Variants in IGF1 observed in about 807,000 individuals in gnomAD.
IGF1 encodes the protein insulin-like growth factor 1.
In IGF1, 4 loss-of-function variants were observed where a neutral mutation model predicts 13.8. That is an observed-to-expected ratio of 0.29 (90% CI 0.14 to 0.66). IGF1 has a LOEUF of 0.66. IGF1 is among the 30% of genes least tolerant of loss of function. The pLI, the probability that IGF1 is intolerant of heterozygous loss-of-function variation, is 0.78. For synonymous variants in IGF1, 76 were observed against 72.6 expected, an observed-to-expected ratio of 1.05 and a Z score of -0.23; for missense variants, 124 against 188.5, an observed-to-expected ratio of 0.66 and a Z score of 2.00.
At chr12:102,472,833 G>A (rs1272547402) in intron 2 of IGF1, among the ~76,000 whole-genome samples, 1 of 152,066 alleles carries the variant, frequency 6.6e-6, no homozygotes, top group Non-Finnish European at 1.5e-5. Context: ...GCCTGGGGAT[G>A]ACCAAAATGC....
At chr12:102,453,225 G>C (rs576663571) in intron 2 of IGF1, among the ~76,000 whole-genome samples, 2 of 152,300 alleles carry the variant, frequency 1.3e-5, no homozygotes, top group East Asian at 3.9e-4. Flanking sequence ...TGGCCTAGGA[G>C]GGTCTACATT....
intron 3 of IGF1, chr12:102,417,974 CG>C (rs770719221): frequency 6.2e-7 from 1 of 1,612,982 alleles, no homozygotes; most frequent in Admixed American, 1.7e-5. Context: ...TCTGAGACTT[CG>C]TGTTCTTGTT....
At chr12:102,440,272 G>A (rs2080703485) in intron 2 of IGF1, among the ~76,000 whole-genome samples, 1 of 152,214 alleles carries the variant, frequency 6.6e-6, no homozygotes, top group Admixed American at 6.5e-5. Flanking sequence ...AGCCCCCACA[G>A]AGAGAGGACA....
intron 2 of IGF1, among the ~76,000 whole-genome samples, chr12:102,441,700 G>T (rs1157912092): frequency 6.6e-6 from 1 of 152,164 alleles, no homozygotes; most frequent in Non-Finnish European, 1.5e-5. Context: ...TGGAAAACCT[G>T]AGTGCATCTG....
At chr12:102,453,633 T>C (rs1486238020) in intron 2 of IGF1, among the ~76,000 whole-genome samples, 1 of 152,154 alleles carries the variant, frequency 6.6e-6, no homozygotes, top group East Asian at 1.9e-4. Context: ...TATGATGAAG[T>C]TGGAAGAGGC....
intron 3 of IGF1, among the ~76,000 whole-genome samples, chr12:102,407,458 T>G (rs1000950934): frequency 6.6e-6 from 1 of 152,228 alleles, no homozygotes; most frequent in African/African-American, 2.4e-5. Flanking sequence ...CAGGGATAAG[T>G]ACTACTGTCT....
At chr12:102,448,809 A>T (rs1468315153) in intron 2 of IGF1, among the ~76,000 whole-genome samples, 4 of 152,060 alleles carry the variant, frequency 2.6e-5, no homozygotes, top group African/African-American at 9.7e-5. Flanking sequence ...GCTCATCATC[A>T]CTGGTCATTA....
intron 2 of IGF1, among the ~76,000 whole-genome samples, chr12:102,450,937 T>A (rs1201713420): frequency 1.3e-5 from 2 of 152,226 alleles, no homozygotes; most frequent in African/African-American, 2.4e-5. Flanking sequence ...TTAAAAGATC[T>A]TTATAGTAGA....
At chr12:102,426,068 A>G (rs566012136) in intron 2 of IGF1, among the ~76,000 whole-genome samples, 2 of 152,264 alleles carry the variant, frequency 1.3e-5, no homozygotes, top group East Asian at 3.9e-4. Context: ...TTTTCTAGTT[A>G]TATTGTTTGT....
chr12:102,441,957 T>TCCTCTTCC, intron 2 of IGF1, among the ~76,000 whole-genome samples: 1 of 134,680 alleles, frequency 7.4e-6, no homozygotes, highest in Non-Finnish European at 1.6e-5. Flanking sequence ...TTCTTCTTCT[T>TCCTCTTCC]TTTTTTTTTT....
intron 3 of IGF1, among the ~76,000 whole-genome samples, chr12:102,415,263 TC>T: frequency 5.3e-5 from 2 of 37,768 alleles, no homozygotes; most frequent in Non-Finnish European, 1.2e-4. Flanking sequence ...CATTCATCCA[TC>T]CATCCATCCA....
At chr12:102,402,736 G>A in intron 3 of IGF1, 170 bp from the exon 4 acceptor site, 1 of 649,440 alleles carries the variant, frequency 1.5e-6, no homozygotes, top group South Asian at 1.7e-5. Flanking sequence ...CAGGCCCTTA[G>A]TACTTTTGCC....
intron 3 of IGF1, among the ~76,000 whole-genome samples, chr12:102,414,322 A>T (rs1874898079): frequency 6.6e-6 from 1 of 152,172 alleles, no homozygotes; most frequent in Admixed American, 6.5e-5. Flanking sequence ...AAGTTACATG[A>T]TCTGCCCAAA....
At chr12:102,435,989 G>C (rs1877193665) in intron 2 of IGF1, among the ~76,000 whole-genome samples, 1 of 152,206 alleles carries the variant, frequency 6.6e-6, no homozygotes, top group African/African-American at 2.4e-5. Flanking sequence ...GGAGAGAAGG[G>C]AAGAACTGCA....
At chr12:102,406,075 A>G (rs111501629) in intron 3 of IGF1, among the ~76,000 whole-genome samples, 5 of 152,382 alleles carry the variant, frequency 3.3e-5, no homozygotes, top group African/African-American at 9.6e-5. Context: ...TGTACCAAGT[A>G]GCATGATTCC....
chr12:102,410,535 CTT>C (rs2136964091), intron 3 of IGF1, among the ~76,000 whole-genome samples: 1 of 152,288 alleles, frequency 6.6e-6, no homozygotes, highest in Non-Finnish European at 1.5e-5. Flanking sequence ...TTTGATTATT[CTT>C]TTTCTCTTAA....
intron 2 of IGF1, among the ~76,000 whole-genome samples, chr12:102,423,838 T>A (rs1042927946): frequency 6.6e-6 from 1 of 152,192 alleles, no homozygotes; most frequent in African/African-American, 2.4e-5. Flanking sequence ...AAGGGAAATG[T>A]GTAATGCTGA....
At chr12:102,449,492 A>C (rs1484730487) in intron 2 of IGF1, among the ~76,000 whole-genome samples, 1 of 151,942 alleles carries the variant, frequency 6.6e-6, no homozygotes, top group Non-Finnish European at 1.5e-5. Flanking sequence ...ATGTATAGCT[A>C]TGTAAGAAAC....
At chr12:102,446,770 G>A (rs551427956) in intron 2 of IGF1, among the ~76,000 whole-genome samples, 6 of 151,966 alleles carry the variant, frequency 3.9e-5, no homozygotes, top group Non-Finnish European at 7.4e-5. Context: ...GCTAGTTTTC[G>A]AATTTGTTTG....
Sources: allele counts gnomAD v4.1 joint callset (sites outside exome capture counted in the v4.1 genomes callset), GRCh38; gene constraint gnomAD v4.1.1; transcripts MANE v1.5; gene names NCBI Gene and HGNC (gene_info 2026-07-23, HGNC 2026-07-21).